GNAL: variants seen among roughly 807,000 people sequenced by gnomAD.
GNAL encodes the protein guanine nucleotide-binding protein G(olf) subunit alpha.
A neutral mutation model predicts 55.1 loss-of-function variants in GNAL; 18 were observed. The observed-to-expected ratio is 0.33, with a 90% CI of 0.23 to 0.48. The LOEUF is 0.48. Ranked by LOEUF, GNAL falls within the 20% of genes least tolerant of loss-of-function variation. The pLI is 0.99. For missense variants in GNAL, 412 were observed against 614.1 expected (o/e 0.67, Z 3.48); for synonymous variants, 253 against 237.0 (o/e 1.07, Z -0.62).
chr18:11,700,375 G>A (rs530506687), intron 1 of GNAL, among the ~76,000 whole-genome samples: 3 of 152,198 alleles, frequency 2.0e-5, no homozygotes, highest in African/African-American at 2.4e-5. Flanking sequence ...AGCACCTGAC[G>A]GGAGGGGCAC....
Position 11,752,355 on chromosome 18 carries a change from G to A in GNAL, c.377-498G>A. On this transcript the variant is annotated intron_variant, in intron 1 of 11. Coordinates refer to ENST00000334049, the MANE Select transcript of GNAL (RefSeq NM_182978.4). This position sits in a 1 kb window ranked among gnomAD's most constrained non-coding sequence, Gnocchi z 4.5. The stretch of plus-strand genomic sequence containing the variant: ...AGCAGGAAAGAGAGGAGCCGTCGCA[G>A]GAGCCGCACACGTCTCCAACTCTCT... 6.6e-7 allele frequency: 1 copy of A among 1,507,668 alleles called. No homozygotes were observed. Among genetic ancestry groups the A allele is most frequent in the Non-Finnish European group, 8.8e-7 (1 of 1,132,554 alleles). The allele number at this position is 1,507,668 out of a possible 1,614,324, so 93.4% of individuals were successfully genotyped here. A position where few individuals can be genotyped will look rare whatever the true frequency, so the allele number is the denominator to read the frequency against.
intron 1 of GNAL, among the ~76,000 whole-genome samples, chr18:11,719,630 G>T (rs2032048522): frequency 6.6e-6 from 1 of 152,212 alleles, no homozygotes. Flanking sequence ...CGCCCTGGAT[G>T]TGTAGTTGGG....
At chr18:11,729,640 G>A (rs1403653863) in intron 1 of GNAL, among the ~76,000 whole-genome samples, 3 of 152,092 alleles carry the variant, frequency 2.0e-5, no homozygotes, top group African/African-American at 7.2e-5. Flanking sequence ...TATTCTGTGC[G>A]AGCCATATCC....
intron 1 of GNAL, among the ~76,000 whole-genome samples, chr18:11,722,330 T>G (rs2032114185): frequency 6.6e-6 from 1 of 152,202 alleles, no homozygotes; most frequent in African/African-American, 2.4e-5. Context: ...GCATTCCATT[T>G]TAAGTTTTCT....
chr18:11,751,326 T>G lies in GNAL; in HGVS notation c.377-1527T>G. 1 of 174,290 alleles carries G rather than the reference T, an allele frequency of 5.7e-6. No individual in the cohort carries two copies. The highest frequency in any genetic ancestry group is 1.1e-5 in the Non-Finnish European group (1 of 88,274). 10.8% of individuals were successfully genotyped at this position (174,290 alleles called of 1,614,324 possible). On this transcript the variant is annotated intron_variant, in intron 1 of 11. Transcript: ENST00000334049. The surrounding 1 kb of genome is among the most constrained non-coding windows in gnomAD (Gnocchi z 4.5). ...GGCAGGTGCCAGTCTCGCGCCCTAG[T>G]TCGTTCCTCTGCTACAACGCCAAGT...
At chr18:11,808,038 TTTTA>T (rs1024432696) in intron 4 of GNAL, among the ~76,000 whole-genome samples, 1 of 149,758 alleles carries the variant, frequency 6.7e-6, no homozygotes, top group African/African-American at 2.5e-5. Context: ...TTTTTTTTTT[TTTTA>T]AAGACTTTGT....
intron 2 of GNAL, among the ~76,000 whole-genome samples, chr18:11,753,353 G>A (rs183144141): frequency 2.6e-5 from 4 of 152,256 alleles, no homozygotes; most frequent in East Asian, 1.9e-4. Context: ...TATCCATAGC[G>A]ATTTTGCCTA....
chr18:11,826,814 C>A (rs2035258220), intron 5 of GNAL, among the ~76,000 whole-genome samples: 3 of 152,180 alleles, frequency 2.0e-5, no homozygotes, highest in African/African-American at 7.2e-5. Context: ...AGGCATCGAG[C>A]AGTCAGTCTG....
intron 5 of GNAL, among the ~76,000 whole-genome samples, chr18:11,832,586 G>A (rs1055171169): frequency 2.6e-5 from 4 of 152,152 alleles, no homozygotes; most frequent in East Asian, 3.9e-4. Flanking sequence ...GACCTGGCGC[G>A]GTGGCTCACA....
At chr18:11,863,709 C>T (rs1420842673) in intron 6 of GNAL, among the ~76,000 whole-genome samples, 2 of 152,014 alleles carry the variant, frequency 1.3e-5, no homozygotes, top group Admixed American at 6.5e-5. Flanking sequence ...TGTGAGGCTG[C>T]GTGGCTTTCT....
chr18:11,738,807 G>C (rs2032512136), intron 1 of GNAL, among the ~76,000 whole-genome samples: 1 of 152,098 alleles, frequency 6.6e-6, no homozygotes, highest in African/African-American at 2.4e-5. Flanking sequence ...CTCCTTCCAG[G>C]CAGAATTGGA....
At chr18:11,855,719 TC>T (rs1362118229) in intron 5 of GNAL, among the ~76,000 whole-genome samples, 2 of 152,186 alleles carry the variant, frequency 1.3e-5, no homozygotes, top group African/African-American at 4.8e-5. Flanking sequence ...ACGCCTGTAA[TC>T]CCAACACTTT....
intron 7 of GNAL, among the ~76,000 whole-genome samples, chr18:11,866,273 G>A (rs757892156): frequency 3.3e-5 from 5 of 150,302 alleles, no homozygotes; most frequent in African/African-American, 5.1e-5. Flanking sequence ...CGTGCCCCAC[G>A]TGTGCTAATG....
chr18:11,730,033 TTTCTTTTC>T (rs2143437427), intron 1 of GNAL, among the ~76,000 whole-genome samples: 1 of 152,200 alleles, frequency 6.6e-6, no homozygotes, highest in African/African-American at 2.4e-5. Context: ...TTTCTTTTCT[TTTCTTTTC>T]TTTTTTTTTT....
intron 4 of GNAL, among the ~76,000 whole-genome samples, chr18:11,768,223 C>T (rs1272773832): frequency 1.3e-5 from 2 of 152,130 alleles, no homozygotes; most frequent in Non-Finnish European, 2.9e-5. Flanking sequence ...GTACTCAGGA[C>T]CATGAGTTAC....
intron 4 of GNAL, among the ~76,000 whole-genome samples, chr18:11,765,892 G>A (rs2033391407): frequency 6.6e-6 from 1 of 152,166 alleles, no homozygotes; most frequent in Non-Finnish European, 1.5e-5. Flanking sequence ...TTCGCCTCCA[G>A]TTTGAATGTA....
chr18:11,855,276 A>C (rs1036854050), intron 5 of GNAL, among the ~76,000 whole-genome samples: 1 of 151,718 alleles, frequency 6.6e-6, no homozygotes, highest in East Asian at 1.9e-4. Flanking sequence ...CTTCATAACT[A>C]CAAGATTTTT....
chr18:11,775,660 A>T (rs1355554037), intron 4 of GNAL, among the ~76,000 whole-genome samples: 2 of 152,198 alleles, frequency 1.3e-5, no homozygotes, highest in Admixed American at 6.5e-5. Context: ...GCACATCAGA[A>T]CTCATAAAGC....
At chr18:11,810,404 C>G (rs1598479826) in intron 4 of GNAL, 1 of 152,454 alleles carries the variant, frequency 6.6e-6, no homozygotes, top group East Asian at 1.9e-4. Flanking sequence ...CAAAAAAACC[C>G]TTGTTGGTTC....
Sources: allele counts gnomAD v4.1 joint callset (sites outside exome capture counted in the v4.1 genomes callset), GRCh38; gene constraint gnomAD v4.1.1; non-coding constraint Gnocchi (gnomAD v3.1); transcripts MANE v1.5; gene names NCBI Gene and HGNC (gene_info 2026-07-23, HGNC 2026-07-21).